PDE7B: variants seen among roughly 807,000 people sequenced by gnomAD.
PDE7B encodes phosphodiesterase 7B, also known as 3',5'-cyclic-AMP phosphodiesterase 7B.
In PDE7B, 29 loss-of-function variants were observed where a neutral mutation model predicts 56.2. The ratio of observed to expected loss-of-function variants is 0.52; its 90% CI spans 0.38 to 0.70. The LOEUF is 0.70. Ranked by LOEUF, PDE7B falls within the 30% of genes least tolerant of loss-of-function variation. PDE7B has a pLI of 0.00. For synonymous variants in PDE7B, 197 were observed against 196.9 expected (o/e 1.00, Z 0.00); for missense variants, 490 against 565.0 (o/e 0.87, Z 1.35).
In PDE7B at chr6:136,056,518, T is replaced by TCC. The variant is rs1293402338; in HGVS notation, c.83-52213_83-52212insCC. Among the ~76,000 whole-genome samples the TCC allele has an allele frequency of 4.0e-5, 4 of 100,988 alleles. No individual in the cohort carries two copies. In the East Asian group the frequency reaches 8.5e-4, roughly 22 times the overall value. 66.3% of individuals were successfully genotyped at this position (100,988 alleles called of 152,430 possible). ...CTCCTTTGCAGATAGAATCCTTTTT[T>TCC]TTTTTTTTTTTTTTTTTTTTTTTTT... is the stretch of plus-strand genomic sequence containing the variant. On this transcript the variant is annotated intron_variant, in intron 2 of 12. Coordinates refer to ENST00000308191, the MANE Select transcript of PDE7B (RefSeq NM_018945.4).
chr6:135,896,981 C>T (rs1775913447), intron 1 of PDE7B, among the ~76,000 whole-genome samples: 1 of 152,142 alleles, frequency 6.6e-6, no homozygotes, highest in South Asian at 2.1e-4. Flanking sequence ...ACCTCCTCCT[C>T]TTTCCAGATG....
intron 1 of PDE7B, among the ~76,000 whole-genome samples, chr6:135,875,899 A>G (rs1380784221): frequency 6.6e-6 from 1 of 152,018 alleles, no homozygotes; most frequent in Non-Finnish European, 1.5e-5. Context: ...CTTTGTGGTC[A>G]TCTGTTATTT....
intron 1 of PDE7B, among the ~76,000 whole-genome samples, chr6:135,873,673 T>C (rs947309896): frequency 3.3e-5 from 5 of 152,128 alleles, no homozygotes; most frequent in African/African-American, 1.2e-4. Flanking sequence ...TGTAAGTAGA[T>C]AGGCAAATAA....
rs578241518 is a variant in PDE7B at position 136,042,551 on chromosome 6, C to T, written c.83-66180C>T. On this transcript the variant is annotated intron_variant, in intron 2 of 12. Coordinates refer to ENST00000308191, the MANE Select transcript of PDE7B (RefSeq NM_018945.4). ...GGAAAATATAAATACACACAAATCG[C>T]TCAAAGAAAGAAACTCATCTTCCCC... Among the ~76,000 whole-genome samples, 43 of 152,250 alleles carry T rather than the reference C, an allele frequency of 2.8e-4. 1 individual carries two copies. The South Asian group carries it at 5.4e-3, about 19-fold the overall frequency.
At chr6:136,024,450 C>A (rs916821797) in intron 2 of PDE7B, among the ~76,000 whole-genome samples, 2 of 152,072 alleles carry the variant, frequency 1.3e-5, no homozygotes, top group Non-Finnish European at 2.9e-5. Context: ...TCCCACCAAA[C>A]ATATATCCTT....
chr6:135,913,477 T>G (rs977369339), intron 1 of PDE7B, among the ~76,000 whole-genome samples: 3 of 152,188 alleles, frequency 2.0e-5, no homozygotes, highest in Non-Finnish European at 4.4e-5. Context: ...CTGCGGTCAC[T>G]CTTTAGTGCA....
At chr6:136,028,355 T>C (rs1489795602) in intron 2 of PDE7B, among the ~76,000 whole-genome samples, 1 of 152,132 alleles carries the variant, frequency 6.6e-6, no homozygotes, top group Non-Finnish European at 1.5e-5. Flanking sequence ...TGAAAAAACA[T>C]GGAATTTTAT....
At chr6:135,946,216 T>C (rs1180995829) in intron 1 of PDE7B, among the ~76,000 whole-genome samples, 1 of 151,376 alleles carries the variant, frequency 6.6e-6, no homozygotes, top group Non-Finnish European at 1.5e-5. Context: ...ATGATTGGCA[T>C]ATTATATATT....
intron 2 of PDE7B, among the ~76,000 whole-genome samples, chr6:135,960,706 G>C (rs4896187): frequency 0.37 from 56,115 of 152,058 alleles, 10,654 homozygotes; most frequent in Admixed American, 0.52. Context: ...CCACATGGAT[G>C]AAAACAGATA....
chr6:136,001,589 A>T (rs1775669213), intron 2 of PDE7B, among the ~76,000 whole-genome samples: 2 of 152,246 alleles, frequency 1.3e-5, no homozygotes, highest in South Asian at 4.1e-4. Flanking sequence ...CAATTGGAAG[A>T]AAGGGTATCA....
intron 1 of PDE7B, among the ~76,000 whole-genome samples, chr6:135,924,213 A>C (rs1774142089): frequency 6.6e-6 from 1 of 152,212 alleles, no homozygotes; most frequent in Admixed American, 6.5e-5. Flanking sequence ...AACCTAAAAA[A>C]CATGTAAAAA....
intron 2 of PDE7B, chr6:136,037,627 C>T (rs1776345094): frequency 3.0e-6 from 3 of 985,422 alleles, no homozygotes. Flanking sequence ...TTTTTGAGAA[C>T]TCCTTGGGGC....
At position 135,905,336 on chromosome 6, in the gene PDE7B, G is replaced by C. The variant is rs1371034714; in HGVS notation, c.22-42128G>C. ...TGTGTTATGATGCATACATACATGC[G>C]TGTGTGTGTGTATGTGTGTGTGTGT... On this transcript the variant is annotated intron_variant, in intron 1 of 12. Transcript: ENST00000308191. 2.7e-5 allele frequency among the ~76,000 whole-genome samples: 3 copies of C among 112,412 alleles called. No individual in the cohort carries two copies. The South Asian group carries it at 9.3e-4, about 35-fold the overall frequency. The allele number at this position is 112,412 out of a possible 152,430, so 73.7% of individuals were successfully genotyped here. A position where few individuals can be genotyped will look rare whatever the true frequency, so the allele number is the denominator to read the frequency against.
chr6:136,145,245 A>G (rs566998201), intron 3 of PDE7B, among the ~76,000 whole-genome samples: 2 of 152,128 alleles, frequency 1.3e-5, no homozygotes, highest in Admixed American at 6.6e-5. Context: ...ACTTCAGCCA[A>G]TGGTTTACAA....
chr6:136,183,602 A>G (rs1004905693), intron 11 of PDE7B, among the ~76,000 whole-genome samples: 37 of 150,710 alleles, frequency 2.5e-4, no homozygotes, highest in Non-Finnish European at 4.6e-4. Flanking sequence ...TCTCAAAAAA[A>G]AAAAAAAAAA....
intron 1 of PDE7B, among the ~76,000 whole-genome samples, chr6:135,870,832 T>A (rs1382146489): frequency 6.6e-6 from 1 of 151,868 alleles, no homozygotes; most frequent in East Asian, 1.9e-4. Context: ...AGGAAGACAA[T>A]GTAAAGAGGA....
chr6:135,982,521 G>A (rs1244315461), intron 2 of PDE7B, among the ~76,000 whole-genome samples: 1 of 152,094 alleles, frequency 6.6e-6, no homozygotes, highest in Non-Finnish European at 1.5e-5. Context: ...TAAGGAAGGG[G>A]CAGTCTATGT....
chr6:135,990,797 A>C (rs1202749270), intron 2 of PDE7B, among the ~76,000 whole-genome samples: 1 of 152,234 alleles, frequency 6.6e-6, no homozygotes, highest in Admixed American at 6.5e-5. Flanking sequence ...GATCTTATGC[A>C]AGAATGAATT....
At position 136,091,028 on chromosome 6, in the gene PDE7B, T is replaced by C. The variant is rs117758869; in HGVS notation, c.83-17703T>C. ...TTCACAAATGACCAAAGATGATGCA[T>C]ATTATAAATATTTGCTTTCTGCCCT... is the stretch of plus-strand genomic sequence containing the variant. On this transcript the variant is annotated intron_variant, in intron 2 of 12. Coordinates refer to ENST00000308191, the MANE Select transcript of PDE7B (RefSeq NM_018945.4). Among the ~76,000 whole-genome samples the C allele has an allele frequency of 5.9e-4, 90 of 152,330 alleles. 1 individual carries two copies. The East Asian group carries it at 0.016, about 27-fold the overall frequency.
Sources: allele counts gnomAD v4.1 joint callset (sites outside exome capture counted in the v4.1 genomes callset), GRCh38; gene constraint gnomAD v4.1.1; transcripts MANE v1.5; gene names NCBI Gene and HGNC (gene_info 2026-07-23, HGNC 2026-07-21).